CTNND2: variants seen among roughly 807,000 people sequenced by gnomAD.
The protein encoded by CTNND2 is catenin delta-2.
In CTNND2, 22 loss-of-function variants were observed where a neutral mutation model predicts 144.4. That is an observed-to-expected ratio of 0.15 (90% CI 0.11 to 0.22). The LOEUF (loss-of-function observed/expected upper bound fraction) is 0.22. CTNND2 is among the 10% of genes least tolerant of loss of function. CTNND2 has a pLI of 1.00. For missense variants in CTNND2, 1,353 were observed against 1,618.8 expected, an observed-to-expected ratio of 0.84 and a Z score of 2.82; for synonymous variants, 751 against 695.6, an observed-to-expected ratio of 1.08 and a Z score of -1.25.
intron 2 of CTNND2, among the ~76,000 whole-genome samples, chr5:11,719,830 A>G (rs1786556447): frequency 8.2e-6 from 1 of 122,272 alleles, no homozygotes; most frequent in African/African-American, 3.9e-5. Flanking sequence ...TAGCTCTGAC[A>G]TATACACACA....
intron 8 of CTNND2, among the ~76,000 whole-genome samples, chr5:11,348,041 G>A (rs1371474013): frequency 2.0e-5 from 3 of 152,072 alleles, no homozygotes; most frequent in Non-Finnish European, 2.9e-5. Flanking sequence ...ATTAGGTTCC[G>A]TGACATGACA....
At chr5:11,432,001 G>A (rs1763335023) in intron 3 of CTNND2, among the ~76,000 whole-genome samples, 1 of 151,884 alleles carries the variant, frequency 6.6e-6, no homozygotes. Context: ...GAAACACAGG[G>A]CTAAACATTT....
At chr5:11,512,373 T>C (rs900583438) in intron 3 of CTNND2, among the ~76,000 whole-genome samples, 2 of 152,252 alleles carry the variant, frequency 1.3e-5, no homozygotes, top group African/African-American at 2.4e-5. Context: ...GCAGTTAGGA[T>C]GTCCATTAAC....
chr5:11,635,995 T>C (rs969241626), intron 2 of CTNND2, among the ~76,000 whole-genome samples: 20 of 151,758 alleles, frequency 1.3e-4, no homozygotes, highest in African/African-American at 4.4e-4. Flanking sequence ...TGTCTTATCT[T>C]CTGAGGCCCT....
intron 1 of CTNND2, among the ~76,000 whole-genome samples, chr5:11,833,433 G>A (rs1234573486): frequency 6.6e-6 from 1 of 152,130 alleles, no homozygotes. Flanking sequence ...AAATTACAGG[G>A]ACAGAAGTCA....
intron 2 of CTNND2, among the ~76,000 whole-genome samples, chr5:11,585,836 G>A (rs993112355): frequency 2.6e-5 from 4 of 152,150 alleles, no homozygotes; most frequent in African/African-American, 9.7e-5. Flanking sequence ...GTATACCTGG[G>A]CTGGGGGGTG....
At chr5:11,116,836 T>C (rs1753593661) in intron 13 of CTNND2, among the ~76,000 whole-genome samples, 1 of 152,160 alleles carries the variant, frequency 6.6e-6, no homozygotes, top group African/African-American at 2.4e-5. Flanking sequence ...GGTGGGCGGA[T>C]CACTTGAGGT....
chr5:11,160,745 G>A (rs971939704), intron 11 of CTNND2, among the ~76,000 whole-genome samples: 1 of 152,112 alleles, frequency 6.6e-6, no homozygotes, highest in African/African-American at 2.4e-5. Context: ...TGTAGCTTAT[G>A]TTTTTAATGA....
chr5:11,614,806 T>C (rs1780503874), intron 2 of CTNND2, among the ~76,000 whole-genome samples: 1 of 152,188 alleles, frequency 6.6e-6, no homozygotes, highest in African/African-American at 2.4e-5. Flanking sequence ...GAGCCAGACC[T>C]GCTGTAGCAC....
At chr5:11,487,652 G>A (rs1162191343) in intron 3 of CTNND2, among the ~76,000 whole-genome samples, 2 of 151,872 alleles carry the variant, frequency 1.3e-5, no homozygotes, top group Non-Finnish European at 2.9e-5. Flanking sequence ...AATTATATAT[G>A]CTTATAATTA....
chr5:11,150,876 T>C (rs923590106), intron 12 of CTNND2, among the ~76,000 whole-genome samples: 3 of 152,166 alleles, frequency 2.0e-5, no homozygotes, highest in African/African-American at 7.2e-5. Context: ...TCCACCCGCC[T>C]TGGCCTCTCA....
At chr5:11,015,145 A>G (rs1445684413) in intron 18 of CTNND2, among the ~76,000 whole-genome samples, 2 of 152,234 alleles carry the variant, frequency 1.3e-5, no homozygotes, top group Non-Finnish European at 2.9e-5. Context: ...GATATGGATC[A>G]GACATTTTTT....
intron 20 of CTNND2, among the ~76,000 whole-genome samples, chr5:10,985,075 AAAAT>A (rs10599114): frequency 0.61 from 90,886 of 147,790 alleles, 28,537 homozygotes; most frequent in South Asian, 0.79. Context: ...CTCCGTCTCA[AAAAT>A]AAATAAATAA....
rs1752918061 is a variant in CTNND2, at chr5:11,111,060, AAC to A, written c.2278-19_2278-18del. The stretch of plus-strand genomic sequence containing the variant: ...TTCAACGGTCTGCAGAAAAGGGGGA[AAC>A]AGAGGAAAGAATGAGTAAAACTAGC... On this transcript the variant is annotated intron_variant, in intron 13 of 21. Transcript: ENST00000304623. 1 of 1,607,094 alleles carries A rather than the reference AAC, an allele frequency of 6.2e-7. No individual in the cohort carries two copies. Among genetic ancestry groups the A allele is most frequent in the East Asian group, 2.2e-5 (1 of 44,652 alleles).
At chr5:11,379,749 C>A (rs1242717272) in intron 7 of CTNND2, among the ~76,000 whole-genome samples, 3 of 152,088 alleles carry the variant, frequency 2.0e-5, no homozygotes, top group Non-Finnish European at 4.4e-5. Context: ...GATTCTCTGC[C>A]CATTTTTTCT....
chr5:11,112,748 A>G (rs558036316), intron 13 of CTNND2, among the ~76,000 whole-genome samples: 2 of 152,220 alleles, frequency 1.3e-5, no homozygotes, highest in Admixed American at 1.3e-4. Context: ...TTGGCTTCCA[A>G]TCCTGGGCCT....
rs1332931771 is a variant in CTNND2 at position 11,081,906 on chromosome 5, G to T, written c.2788+790C>A. 2.6e-5 allele frequency among the ~76,000 whole-genome samples: 4 copies of T among 152,156 alleles called. No individual in the cohort carries two copies. The East Asian group carries it at 7.7e-4, about 29-fold the overall frequency. On this transcript the variant is annotated intron_variant, in intron 16 of 21. Transcript: ENST00000304623. ...GAAAATGTTTTAAAACTTGATACAG[G>T]TGGTGATTGTACAACATTATGAATA...
In CTNND2 at chr5:11,584,929, T is replaced by A. The variant is rs1016788335; in HGVS notation, c.175-19873A>T. Among the ~76,000 whole-genome samples the A allele has an allele frequency of 5.3e-5, 8 of 152,194 alleles. 1 individual carries two copies. The highest frequency in any genetic ancestry group is 3.3e-4 in the Admixed American group (5 of 15,276). Reference sequence around the variant, plus strand: ...GAGGATAGAAACATAAAGAAATACATGATTTAGTATTTTAGAAATTATATA... The same window carrying A: ...GAGGATAGAAACATAAAGAAATACAAGATTTAGTATTTTAGAAATTATATA... On this transcript the variant is annotated intron_variant, in intron 2 of 21. Transcript: ENST00000304623.
At chr5:11,408,346 T>C (rs974964780) in intron 5 of CTNND2, among the ~76,000 whole-genome samples, 2 of 152,158 alleles carry the variant, frequency 1.3e-5, no homozygotes, top group Non-Finnish European at 2.9e-5. Context: ...ATGATAGTTA[T>C]CTACCCAATA....
Sources: allele counts gnomAD v4.1 joint callset (sites outside exome capture counted in the v4.1 genomes callset), GRCh38; gene constraint gnomAD v4.1.1; transcripts MANE v1.5; gene names NCBI Gene and HGNC (gene_info 2026-07-23, HGNC 2026-07-21).